Variants in UTRN observed in about 807,000 individuals in gnomAD.
The protein encoded by UTRN is utrophin.
A neutral mutation model predicts 463.9 loss-of-function variants in UTRN; 283 were observed. The observed-to-expected ratio is 0.61, with a 90% CI of 0.55 to 0.67. The LOEUF (loss-of-function observed/expected upper bound fraction) is 0.67, where lower values mean the gene tolerates loss of function less well. Ranked by LOEUF, UTRN falls within the 30% of genes least tolerant of loss-of-function variation. The probability of loss-of-function intolerance (pLI) is 0.00; values close to 1 mark genes in which losing one functional copy is unlikely to be tolerated. For missense variants in UTRN, 3,922 were observed against 4,084.3 expected (o/e 0.96, Z 1.08); for synonymous variants, 1,442 against 1,431.5 (o/e 1.01, Z -0.17).
chr6:144,736,368 T>C (rs1367422128), intron 54 of UTRN, among the ~76,000 whole-genome samples: 2 of 152,188 alleles, frequency 1.3e-5, no homozygotes, highest in African/African-American at 4.8e-5. Context: ...TATAAGGACA[T>C]ACCAAGATGG....
chr6:144,695,923 T>C (rs118061745), intron 52 of UTRN, among the ~76,000 whole-genome samples: 189 of 152,350 alleles, frequency 1.2e-3, no homozygotes, highest in Non-Finnish European at 2.4e-3. Flanking sequence ...AAATATCCAT[T>C]TATCAGCATA....
chr6:144,830,426 G>A (rs764726631), intron 69 of UTRN, among the ~76,000 whole-genome samples: 9 of 152,136 alleles, frequency 5.9e-5, no homozygotes, highest in Non-Finnish European at 1.2e-4. Flanking sequence ...CAGGATGTTT[G>A]TAAGCTGTTA....
chr6:144,635,954 TATATG>T (rs1777128321), intron 51 of UTRN, among the ~76,000 whole-genome samples: 1 of 152,162 alleles, frequency 6.6e-6, no homozygotes, highest in Non-Finnish European at 1.5e-5. Flanking sequence ...TTTTTTTAAA[TATATG>T]AATGTGGTGA....
chr6:144,364,959 G>T (rs141321895), intron 2 of UTRN, among the ~76,000 whole-genome samples: 112 of 152,256 alleles, frequency 7.4e-4, no homozygotes, highest in Middle Eastern at 6.8e-3. Context: ...GGCACACCAG[G>T]CTAACCCAAG....
chr6:144,598,278 C>T (rs1192674606), intron 51 of UTRN, among the ~76,000 whole-genome samples: 3 of 152,092 alleles, frequency 2.0e-5, no homozygotes, highest in Non-Finnish European at 4.4e-5. Flanking sequence ...TCCAAAAAGG[C>T]GGGACAACTT....
chr6:144,437,425 A>AT (rs1216847133), intron 10 of UTRN, 140 bp from the exon 11 acceptor site: 1 of 692,142 alleles, frequency 1.4e-6, no homozygotes, highest in East Asian at 3.1e-5. Context: ...AATGTGGTCA[A>AT]TGTCTATTTT....
At chr6:144,467,564 G>C (rs1272315801) in intron 23 of UTRN, among the ~76,000 whole-genome samples, 2 of 152,120 alleles carry the variant, frequency 1.3e-5, no homozygotes, top group Non-Finnish European at 2.9e-5. Flanking sequence ...TCCTTCAACT[G>C]TTGAACAGTC....
intron 2 of UTRN, among the ~76,000 whole-genome samples, chr6:144,395,357 T>C (rs1369823744): frequency 6.6e-6 from 1 of 151,936 alleles, no homozygotes; most frequent in East Asian, 1.9e-4. Flanking sequence ...TCTGTTTTTC[T>C]GCATTTGCAA....
intron 3 of UTRN, 39 bp downstream of exon 3, chr6:144,403,223 C>G (rs73780556): frequency 0.016 from 26,048 of 1,579,256 alleles, 385 homozygotes; most frequent in African/African-American, 0.079. Flanking sequence ...GTTCAGATGC[C>G]GCATTCTGAT....
At chr6:144,536,261 GT>G (rs1426671834) in intron 43 of UTRN, among the ~76,000 whole-genome samples, 1 of 152,140 alleles carries the variant, frequency 6.6e-6, no homozygotes, top group Non-Finnish European at 1.5e-5. Context: ...TCATAGTTCT[GT>G]TTTGAAAGTA....
chr6:144,683,980 T>C (rs114503294), intron 52 of UTRN, among the ~76,000 whole-genome samples: 2,804 of 152,278 alleles, frequency 0.018, 81 homozygotes, highest in African/African-American at 0.064. Flanking sequence ...CATCATCTTA[T>C]TTCTGCTTCT....
chr6:144,678,916 G>A (rs188093159), intron 52 of UTRN, among the ~76,000 whole-genome samples: 6 of 152,062 alleles, frequency 3.9e-5, no homozygotes, highest in East Asian at 3.9e-4. Flanking sequence ...ACTTTATTTC[G>A]TAATCAAAAA....
intron 51 of UTRN, among the ~76,000 whole-genome samples, chr6:144,654,371 C>T (rs1360043493): frequency 1.3e-5 from 2 of 152,154 alleles, no homozygotes; most frequent in Non-Finnish European, 2.9e-5. Context: ...GTTTGAACTT[C>T]CTCTGTGTTT....
At chr6:144,757,824 C>T (rs1792180256) in intron 57 of UTRN, 105 bp from the exon 58 acceptor site, 2 of 998,656 alleles carry the variant, frequency 2.0e-6, no homozygotes, top group African/African-American at 1.7e-5. Context: ...GCTCAGAAAC[C>T]AGAGCAGTTC....
At chr6:144,717,634 C>CTTTTTTTTTTTTTTTTTTTTT (rs869170852) in intron 53 of UTRN, among the ~76,000 whole-genome samples, 2 of 70,094 alleles carry the variant, frequency 2.9e-5, no homozygotes, top group African/African-American at 8.3e-5. Flanking sequence ...TTTCTTTTTT[C>CTTTTTTTTTTTTTTTTTTTTT]TTTTTTTTTT....
chr6:144,363,727 T>A (rs1237588123), intron 2 of UTRN, among the ~76,000 whole-genome samples: 2 of 151,960 alleles, frequency 1.3e-5, no homozygotes, highest in African/African-American at 4.8e-5. Context: ...GTGGGATGGG[T>A]TTAGAGCTGG....
chr6:144,516,917 T>C lies in UTRN; in HGVS notation c.5510T>C (p.Leu1837Ser), dbSNP rs966377640. Residue 1837 changes from leucine (L) to serine (S), a missense_variant, in exon 39 of 75, where the codon TTA becomes TCA. By Grantham distance (145) the Leu-to-Ser change is moderately radical. Coordinates refer to ENST00000367545, the MANE Select transcript of UTRN (RefSeq NM_007124.3). Reference sequence around the variant, plus strand: ...AAAGAAAAGATCCGTTTGCAATTATTACTTTTGCATACTAGATACAACAAA... The same window carrying C: ...AAAGAAAAGATCCGTTTGCAATTATCACTTTTGCATACTAGATACAACAAA... ...NKKEKIRLQL[L>S]LLHTRYNKIK... The C allele has an allele frequency of 2.4e-5, 36 of 1,488,126 alleles. No homozygotes were observed. The highest frequency in any genetic ancestry group is 3.1e-5 in the Non-Finnish European group (35 of 1,122,868). 92.2% of individuals were successfully genotyped at this position (1,488,126 alleles called of 1,614,324 possible).
At chr6:144,715,694 C>CCCA (rs71956972) in intron 53 of UTRN, among the ~76,000 whole-genome samples, 1 of 81,708 alleles carries the variant, frequency 1.2e-5, no homozygotes, top group Non-Finnish European at 1.8e-5. Context: ...TCTCTCTCTT[C>CCCA]CCCCCCCACC....
chr6:144,836,651 T>C, intron 71 of UTRN, 110 bp downstream of exon 71: 1 of 1,466,894 alleles, frequency 6.8e-7, no homozygotes, highest in East Asian at 2.4e-5. Flanking sequence ...TTCAATTTCT[T>C]ACCTCCGTAG....
Sources: allele counts gnomAD v4.1 joint callset (sites outside exome capture counted in the v4.1 genomes callset), GRCh38; gene constraint gnomAD v4.1.1; transcripts MANE v1.5; gene names NCBI Gene and HGNC (gene_info 2026-07-23, HGNC 2026-07-21).